Variants in TMEFF1 observed in about 807,000 individuals in gnomAD.
TMEFF1 encodes transmembrane protein with EGF like and two follistatin like domains 1.
TMEFF1 carries 20 observed loss-of-function variants against 47.5 expected under a neutral mutation model. The ratio of observed to expected loss-of-function variants is 0.42; its 90% CI spans 0.30 to 0.61. The LOEUF (loss-of-function observed/expected upper bound fraction) is 0.61, where lower values mean the gene tolerates loss of function less well. TMEFF1 is among the 20% of genes least tolerant of loss of function. The pLI is 0.19. For synonymous variants in TMEFF1, 162 were observed against 166.3 expected, an observed-to-expected ratio of 0.97 and a Z score of 0.20; for missense variants, 411 against 471.1, an observed-to-expected ratio of 0.87 and a Z score of 1.18.
intron 1 of TMEFF1, among the ~76,000 whole-genome samples, chr9:100,478,621 A>G (rs563443503): frequency 6.6e-6 from 1 of 152,218 alleles, no homozygotes; most frequent in South Asian, 2.1e-4. Flanking sequence ...CTTCGATTTT[A>G]TATCTTTTTT....
chr9:100,504,250 A>G (rs1837816971), intron 2 of TMEFF1, among the ~76,000 whole-genome samples: 1 of 152,158 alleles, frequency 6.6e-6, no homozygotes, highest in East Asian at 1.9e-4. Flanking sequence ...CAAATCCCAT[A>G]ATTTGTCCAT....
chr9:100,509,811 A>C lies in TMEFF1; in HGVS notation c.436+677A>C, dbSNP rs192623877. 3.9e-5 allele frequency among the ~76,000 whole-genome samples: 6 copies of C among 151,942 alleles called. No individual in the cohort carries two copies. The East Asian group carries it at 1.2e-3, about 29-fold the overall frequency. On this transcript the variant is annotated intron_variant, in intron 3 of 9. Transcript: ENST00000374879. ...AAAAAAGGTGAGGAATTTCTGTAGA[A>C]AGTCATTAGCAGTATCACAGATTGT...
intron 1 of TMEFF1, among the ~76,000 whole-genome samples, chr9:100,484,857 A>T (rs1837419378): frequency 6.6e-6 from 1 of 151,532 alleles, no homozygotes; most frequent in Non-Finnish European, 1.5e-5. Flanking sequence ...TTGTATTTTT[A>T]GTAGAGACGG....
At chr9:100,532,196 C>G (rs1214752487) in intron 5 of TMEFF1, among the ~76,000 whole-genome samples, 2 of 151,720 alleles carry the variant, frequency 1.3e-5, no homozygotes, top group Non-Finnish European at 3.0e-5. Flanking sequence ...GACTTCATGT[C>G]TAAAACACCA....
In TMEFF1 at chr9:100,473,731, A is replaced by G; in HGVS notation, c.187A>G (p.Asn63Asp). The G allele has an allele frequency of 6.5e-7, 1 of 1,528,530 alleles. No individual in the cohort carries two copies. The highest frequency in any genetic ancestry group is 8.8e-7 in the Non-Finnish European group (1 of 1,136,634). The allele number at this position is 1,528,530 out of a possible 1,614,324, so 94.7% of individuals were successfully genotyped here. The change falls in exon 1 of 10, where the codon AAC (asparagine) becomes GAC (aspartate). Residue 63 changes from asparagine (N) to aspartate (D), a missense_variant. Asn to Asp is a conservative substitution (Grantham distance 23). Transcript: ENST00000374879. This position sits in a 1 kb window ranked among gnomAD's most constrained non-coding sequence, Gnocchi z 5.4. ...TCCCGGCGGCAAAGGCAAGAGCATCAACTGCTCAGGTAGGACCGGTCGGAG... is the reference window on the plus strand; with the variant it reads ...TCCCGGCGGCAAAGGCAAGAGCATCGACTGCTCAGGTAGGACCGGTCGGAG... The part of the protein sequence containing the change: ...DCPGGKGKSI[N>D]CSELNVRESD...
At chr9:100,554,898 C>A (rs1368413094) in intron 7 of TMEFF1, among the ~76,000 whole-genome samples, 2 of 152,062 alleles carry the variant, frequency 1.3e-5, no homozygotes, top group Non-Finnish European at 2.9e-5. Context: ...GGTTTACCTT[C>A]CAGATACATG....
chr9:100,490,931 A>T (rs79369737), intron 1 of TMEFF1, among the ~76,000 whole-genome samples: 4 of 150,536 alleles, frequency 2.7e-5, no homozygotes, highest in Non-Finnish European at 4.4e-5. Flanking sequence ...GTCCCGGCTG[A>T]TCTTCAACTC....
chr9:100,557,622 C>G (rs571154915), intron 7 of TMEFF1, among the ~76,000 whole-genome samples: 2 of 152,260 alleles, frequency 1.3e-5, no homozygotes, highest in South Asian at 4.2e-4. Flanking sequence ...TAACTTAAGT[C>G]CTACCCTATC....
At chr9:100,519,794 C>CAGAT (rs1211115869) in intron 5 of TMEFF1, among the ~76,000 whole-genome samples, 3 of 151,692 alleles carry the variant, frequency 2.0e-5, no homozygotes, top group African/African-American at 7.3e-5. Flanking sequence ...TCTTAGCTGG[C>CAGAT]ATCTAGAAAT....
At chr9:100,567,380 T>G (rs908659902) in intron 8 of TMEFF1, among the ~76,000 whole-genome samples, 22 of 152,222 alleles carry the variant, frequency 1.4e-4, no homozygotes, top group African/African-American at 5.1e-4. Context: ...CCTGCAACTT[T>G]CCTGGCTCAT....
At chr9:100,476,812 T>G (rs191985312) in intron 1 of TMEFF1, among the ~76,000 whole-genome samples, 1 of 151,318 alleles carries the variant, frequency 6.6e-6, no homozygotes, top group African/African-American at 2.4e-5. Context: ...TTCTCCTGCC[T>G]CAGCCTCCCC....
At chr9:100,491,252 A>G (rs1837547045) in intron 1 of TMEFF1, among the ~76,000 whole-genome samples, 1 of 152,176 alleles carries the variant, frequency 6.6e-6, no homozygotes, top group Middle Eastern at 3.2e-3. Flanking sequence ...CATGTTCAAG[A>G]ACAAACTGGC....
intron 5 of TMEFF1, among the ~76,000 whole-genome samples, chr9:100,546,230 G>T (rs962541374): frequency 6.6e-6 from 1 of 152,154 alleles, no homozygotes; most frequent in Non-Finnish European, 1.5e-5. Flanking sequence ...TGGACTCACA[G>T]TTCCCCAGAC....
intron 1 of TMEFF1, among the ~76,000 whole-genome samples, chr9:100,476,250 A>G (rs1328130995): frequency 2.0e-5 from 3 of 151,572 alleles, no homozygotes; most frequent in African/African-American, 7.3e-5. Flanking sequence ...ATTCATATGG[A>G]AAAAAAATTT....
At chr9:100,562,745 T>G (rs1219736669) in intron 8 of TMEFF1, among the ~76,000 whole-genome samples, 1 of 152,086 alleles carries the variant, frequency 6.6e-6, no homozygotes, top group Non-Finnish European at 1.5e-5. Context: ...AACCTCGGCT[T>G]CCCAGGTTCA....
chr9:100,534,087 C>T (rs1838458299), intron 5 of TMEFF1, among the ~76,000 whole-genome samples: 1 of 152,054 alleles, frequency 6.6e-6, no homozygotes, highest in Non-Finnish European at 1.5e-5. Context: ...GGAAGTGTTT[C>T]AGGAAGAGGG....
chr9:100,556,702 G>A (rs1838921306), intron 7 of TMEFF1, among the ~76,000 whole-genome samples: 1 of 152,124 alleles, frequency 6.6e-6, no homozygotes. Flanking sequence ...TGGCCTCCAA[G>A]GACCCTTCCA....
At chr9:100,568,361 T>TA (rs1279129953) in intron 8 of TMEFF1, among the ~76,000 whole-genome samples, 3 of 152,158 alleles carry the variant, frequency 2.0e-5, no homozygotes, top group Admixed American at 2.0e-4. Flanking sequence ...GGACATTATT[T>TA]AAAAAATCCC....
intron 5 of TMEFF1, among the ~76,000 whole-genome samples, chr9:100,536,267 AT>A (rs1015802245): frequency 6.6e-6 from 1 of 152,184 alleles, no homozygotes; most frequent in African/African-American, 2.4e-5. Context: ...TTGAAAGCCC[AT>A]TTCTAGGGGT....
Sources: allele counts gnomAD v4.1 joint callset (sites outside exome capture counted in the v4.1 genomes callset), GRCh38; gene constraint gnomAD v4.1.1; non-coding constraint Gnocchi (gnomAD v3.1); transcripts MANE v1.5; gene names NCBI Gene and HGNC (gene_info 2026-07-23, HGNC 2026-07-21).